The following RTN4 variants were observed in gnomAD, a reference collection of about 807,000 sequenced individuals.
RTN4 encodes the protein reticulon 4.
A neutral mutation model predicts 90.4 loss-of-function variants in RTN4; 32 were observed. That is an observed-to-expected ratio of 0.35 (90% CI 0.27 to 0.48). RTN4 has a LOEUF of 0.48. Among genes scored for constraint, RTN4 ranks in the 20% least tolerant of loss-of-function variants. RTN4 has a pLI of 0.99. For missense variants in RTN4, 1,706 were observed against 1,430.2 expected (o/e 1.19, Z -3.11); for synonymous variants, 629 against 552.5 (o/e 1.14, Z -1.94).
chr2:55,063,791 G>A (rs1668343074), intron 2 of RTN4, among the ~76,000 whole-genome samples: 1 of 151,992 alleles, frequency 6.6e-6, no homozygotes, highest in Non-Finnish European at 1.5e-5. Flanking sequence ...TGAGGCAGGA[G>A]AATTGCTTGA....
At chr2:55,038,947 A>C (rs1682875696) in intron 1 of RTN4, among the ~76,000 whole-genome samples, 1 of 152,246 alleles carries the variant, frequency 6.6e-6, no homozygotes, top group Non-Finnish European at 1.5e-5. Context: ...TACCTGCAGC[A>C]TCATTAGTAA....
intron 1 of RTN4, among the ~76,000 whole-genome samples, chr2:55,086,825 ATTTATTT>A (rs1668850401): frequency 7.1e-6 from 1 of 140,484 alleles, no homozygotes. Context: ...TTCAACTTTA[ATTTATTT>A]TTTTTTTTTT....
chr2:55,083,562 C>A (rs1229216720), intron 1 of RTN4, among the ~76,000 whole-genome samples: 1 of 152,096 alleles, frequency 6.6e-6, no homozygotes, highest in Non-Finnish European at 1.5e-5. Context: ...GATTAAAACA[C>A]ATACACACAC....
chr2:55,017,078 A>G (rs1681097078), intron 3 of RTN4, among the ~76,000 whole-genome samples: 1 of 152,178 alleles, frequency 6.6e-6, no homozygotes, highest in African/African-American at 2.4e-5. Context: ...TCCTTTATTA[A>G]CAAGAGTCAG....
At position 54,973,140 on chromosome 2, in the gene RTN4, A is replaced by C; in HGVS notation, c.*16T>G. 1 of 1,599,462 alleles carries C rather than the reference A, an allele frequency of 6.3e-7. No individual in the cohort carries two copies. The highest frequency in any genetic ancestry group is 8.6e-7 in the Non-Finnish European group (1 of 1,168,166). On this transcript the variant is annotated 3_prime_UTR_variant, in exon 9 of 9. Transcript: ENST00000337526. ...CCCCTTTAAAGATGAACTCCTACTAATTATTTTGGGCGTTTTCATTCAGCT... is the reference window on the plus strand; with the variant it reads ...CCCCTTTAAAGATGAACTCCTACTACTTATTTTGGGCGTTTTCATTCAGCT...
chr2:55,046,455 G>T (rs1416125141), intron 1 of RTN4, among the ~76,000 whole-genome samples: 1 of 151,966 alleles, frequency 6.6e-6, no homozygotes, highest in Non-Finnish European at 1.5e-5. Flanking sequence ...CCCTGAAGTT[G>T]CTTGGAAATG....
chr2:55,015,216 C>G (rs1680945657), intron 3 of RTN4, among the ~76,000 whole-genome samples: 1 of 152,142 alleles, frequency 6.6e-6, no homozygotes, highest in Non-Finnish European at 1.5e-5. Flanking sequence ...CATTAACTTT[C>G]TGGCTTTTCC....
chr2:55,061,830 G>C (rs541137403), intron 2 of RTN4, among the ~76,000 whole-genome samples: 253 of 152,254 alleles, frequency 1.7e-3, no homozygotes, highest in Non-Finnish European at 2.9e-3. Context: ...CCTAGGTGAC[G>C]ACAGGCACTC....
At chr2:55,006,237 T>G (rs1354589070) in intron 3 of RTN4, among the ~76,000 whole-genome samples, 1 of 152,180 alleles carries the variant, frequency 6.6e-6, no homozygotes, top group African/African-American at 2.4e-5. Flanking sequence ...TATGTAGTGC[T>G]GCACTACTAA....
intron 1 of RTN4, among the ~76,000 whole-genome samples, chr2:55,046,094 G>A (rs770707576): frequency 8.6e-5 from 13 of 152,036 alleles, no homozygotes; most frequent in Non-Finnish European, 1.5e-4. Context: ...CATAAATAAC[G>A]TAAACAGCAA....
intron 3 of RTN4, among the ~76,000 whole-genome samples, chr2:54,997,770 T>A (rs1679546195): frequency 2.0e-5 from 3 of 152,186 alleles, no homozygotes; most frequent in Admixed American, 2.0e-4. Flanking sequence ...ATTAGGTGAG[T>A]ATAGTACAAT....
intron 2 of RTN4, among the ~76,000 whole-genome samples, chr2:55,072,148 TA>T (rs1375546549): frequency 2.6e-5 from 1 of 38,828 alleles, no homozygotes; most frequent in Admixed American, 3.9e-4. Context: ...TGTTTTTAGT[TA>T]TTTTTTTTTT....
intron 1 of RTN4, 102 bp downstream of exon 1, chr2:55,049,643 C>A: frequency 6.6e-7 from 1 of 1,524,148 alleles, no homozygotes; most frequent in Non-Finnish European, 8.9e-7. Context: ...GACAAAGCGC[C>A]CTCGGGGCGG....
At chr2:54,982,481 G>T in intron 5 of RTN4, 34 bp downstream of exon 5, 1 of 1,584,016 alleles carries the variant, frequency 6.3e-7, no homozygotes. Context: ...CTAAATTCTG[G>T]GTATATCAAA....
chr2:55,043,413 G>A (rs1333005582), intron 1 of RTN4, among the ~76,000 whole-genome samples: 2 of 152,158 alleles, frequency 1.3e-5, no homozygotes, highest in African/African-American at 4.8e-5. Flanking sequence ...CCATTAAATT[G>A]AGGCTTTGAA....
intron 3 of RTN4, among the ~76,000 whole-genome samples, chr2:55,012,058 TA>T: frequency 6.6e-6 from 1 of 152,158 alleles, no homozygotes; most frequent in African/African-American, 2.4e-5. Flanking sequence ...TGAAAGCCAA[TA>T]AATAACGAGC....
chr2:55,071,134 T>A (rs1668505742), intron 2 of RTN4, among the ~76,000 whole-genome samples: 1 of 151,052 alleles, frequency 6.6e-6, no homozygotes. Flanking sequence ...CCAGTCTAAG[T>A]TCCTGGAAAT....
intron 3 of RTN4, among the ~76,000 whole-genome samples, chr2:55,008,166 C>CACACACACAA (rs1680375047): frequency 6.6e-6 from 1 of 151,624 alleles, no homozygotes; most frequent in Non-Finnish European, 1.5e-5. Context: ...CACACACACA[C>CACACACACAA]ACACACACAC....
intron 3 of RTN4, chr2:55,010,364 C>A: frequency 7.6e-7 from 1 of 1,321,102 alleles, no homozygotes; most frequent in Non-Finnish European, 9.7e-7. Flanking sequence ...TGCTTTCCTT[C>A]TATCTGTTGA....
Sources: allele counts gnomAD v4.1 joint callset (sites outside exome capture counted in the v4.1 genomes callset), GRCh38; gene constraint gnomAD v4.1.1; transcripts MANE v1.5; gene names NCBI Gene and HGNC (gene_info 2026-07-23, HGNC 2026-07-21).